MARCHF1: variants seen among roughly 807,000 people sequenced by gnomAD.
MARCHF1 encodes the protein membrane associated ring-CH-type finger 1, also known as E3 ubiquitin-protein ligase MARCHF1.
In MARCHF1, 40 loss-of-function variants were observed where a neutral mutation model predicts 54.2. The ratio of observed to expected loss-of-function variants is 0.74; its 90% CI spans 0.57 to 0.96. The LOEUF is 0.96. MARCHF1 is among the 40% of genes least tolerant of loss of function. MARCHF1 has a pLI of 0.00. For missense variants in MARCHF1, 586 were observed against 656.5 expected (o/e 0.89, Z 1.17); for synonymous variants, 236 against 236.3 (o/e 1.00, Z 0.01).
At chr4:164,264,989 G>A (rs1167138546) in intron 1 of MARCHF1, among the ~76,000 whole-genome samples, 2 of 150,282 alleles carry the variant, frequency 1.3e-5, no homozygotes, top group African/African-American at 2.4e-5. Flanking sequence ...TTAAATTGTA[G>A]AAGTATTCCT....
intron 2 of MARCHF1, among the ~76,000 whole-genome samples, chr4:164,091,454 A>AT (rs1755301087): frequency 6.8e-6 from 1 of 147,114 alleles, no homozygotes; most frequent in Non-Finnish European, 1.5e-5. Context: ...GCACGCAGTT[A>AT]ATATGTACAA....
chr4:163,583,442 A>G (rs945462559), intron 8 of MARCHF1, among the ~76,000 whole-genome samples: 3 of 152,212 alleles, frequency 2.0e-5, no homozygotes, highest in African/African-American at 7.2e-5. Context: ...TATAAGTGCT[A>G]TTAAAAATAA....
chr4:163,923,816 A>G (rs968878154), intron 3 of MARCHF1, among the ~76,000 whole-genome samples: 5 of 151,840 alleles, frequency 3.3e-5, no homozygotes, highest in African/African-American at 1.2e-4. Flanking sequence ...AATCACCCGC[A>G]TCTTACAATG....
At chr4:164,171,908 C>A (rs975190372) in intron 1 of MARCHF1, among the ~76,000 whole-genome samples, 6 of 152,258 alleles carry the variant, frequency 3.9e-5, no homozygotes, top group African/African-American at 1.4e-4. Flanking sequence ...TTAAGAATGA[C>A]ATTTTGATTT....
chr4:164,355,644 C>T (rs947357495), intron 1 of MARCHF1, among the ~76,000 whole-genome samples: 1 of 85,466 alleles, frequency 1.2e-5, no homozygotes, highest in Non-Finnish European at 2.6e-5. Flanking sequence ...AAACGTTAGA[C>T]CTAAAACCAT....
intron 4 of MARCHF1, among the ~76,000 whole-genome samples, chr4:163,769,524 T>C (rs1747092660): frequency 1.3e-5 from 2 of 152,138 alleles, no homozygotes; most frequent in Non-Finnish European, 2.9e-5. Context: ...AGGTGCCACA[T>C]AGCTAGAATC....
intron 2 of MARCHF1, among the ~76,000 whole-genome samples, chr4:164,054,063 C>A (rs1183293309): frequency 3.3e-5 from 5 of 151,488 alleles, no homozygotes; most frequent in Admixed American, 6.6e-5. Context: ...ACAATGAACT[C>A]AAACAAATTT....
rs1039662776 is a variant in MARCHF1 at position 164,023,272 on chromosome 4, A to T, written c.-247-34563T>A. ...ACAAAAGAAATATGACTGTGTCACC[A>T]GTGACTGAAGGGGGCTCCTCCAAGG... On this transcript the variant is annotated intron_variant, in intron 2 of 9. Transcript: ENST00000514618. Among the ~76,000 whole-genome samples, 3 of 152,298 alleles carry T rather than the reference A, an allele frequency of 2.0e-5. No individual in the cohort carries two copies. In the East Asian group the frequency reaches 5.8e-4, roughly 29 times the overall value.
At chr4:163,620,318 T>C (rs1475543452) in intron 5 of MARCHF1, among the ~76,000 whole-genome samples, 1 of 152,152 alleles carries the variant, frequency 6.6e-6, no homozygotes, top group Non-Finnish European at 1.5e-5. Flanking sequence ...GAAGTAACTG[T>C]AAATTGGTAC....
intron 2 of MARCHF1, among the ~76,000 whole-genome samples, chr4:163,992,193 A>G (rs1156943289): frequency 1.3e-5 from 2 of 152,150 alleles, no homozygotes; most frequent in African/African-American, 4.8e-5. Context: ...TTAAATGGAT[A>G]GACTGAAAAT....
chr4:164,245,597 C>T (rs529162165), intron 1 of MARCHF1, among the ~76,000 whole-genome samples: 1,890 of 151,758 alleles, frequency 0.012, 40 homozygotes, highest in African/African-American at 0.042. Flanking sequence ...AAGTTCTGGC[C>T]AGGGCAATCA....
intron 4 of MARCHF1, among the ~76,000 whole-genome samples, chr4:163,736,684 T>C (rs1746043670): frequency 1.3e-5 from 2 of 152,082 alleles, no homozygotes; most frequent in Admixed American, 6.6e-5. Flanking sequence ...AGTCCTAAGA[T>C]AAAGCAACTT....
At chr4:164,242,052 G>A (rs1022605325) in intron 1 of MARCHF1, among the ~76,000 whole-genome samples, 15 of 152,348 alleles carry the variant, frequency 9.8e-5, no homozygotes, top group African/African-American at 3.6e-4. Flanking sequence ...GGCAGGGGGA[G>A]GGGCGCCCGC....
intron 2 of MARCHF1, among the ~76,000 whole-genome samples, chr4:164,059,083 T>C (rs573178237): frequency 4.6e-5 from 7 of 152,326 alleles, no homozygotes; most frequent in East Asian, 3.9e-4. Context: ...CATGCACATA[T>C]GAGCTGGTTG....
At chr4:164,122,873 C>T (rs540753815) in intron 1 of MARCHF1, among the ~76,000 whole-genome samples, 5 of 152,110 alleles carry the variant, frequency 3.3e-5, no homozygotes, top group South Asian at 2.1e-4. Flanking sequence ...ATCTGGAACA[C>T]GACAAGGATG....
intron 1 of MARCHF1, among the ~76,000 whole-genome samples, chr4:164,306,410 G>C (rs982259309): frequency 6.6e-6 from 1 of 151,988 alleles, no homozygotes; most frequent in African/African-American, 2.4e-5. Context: ...ACAAGTCAAG[G>C]CTTGTTTTGT....
intron 5 of MARCHF1, among the ~76,000 whole-genome samples, chr4:163,671,186 C>T (rs1743724029): frequency 6.6e-6 from 1 of 152,190 alleles, no homozygotes; most frequent in Admixed American, 6.5e-5. Flanking sequence ...ACAACACTAT[C>T]ACTATTTATT....
intron 2 of MARCHF1, among the ~76,000 whole-genome samples, chr4:164,070,674 A>T (rs1278871520): frequency 2.0e-5 from 3 of 152,184 alleles, no homozygotes; most frequent in Non-Finnish European, 4.4e-5. Flanking sequence ...AGGATTTTTA[A>T]GGGGTATGAA....
intron 1 of MARCHF1, among the ~76,000 whole-genome samples, chr4:164,257,203 G>A (rs868278564): frequency 3.9e-5 from 6 of 152,208 alleles, no homozygotes; most frequent in African/African-American, 1.2e-4. Context: ...AAAATGTGAT[G>A]CAGAAGCTAA....
Sources: gnomAD v4.1 joint callset for allele counts (sites outside exome capture counted in the v4.1 genomes callset) on GRCh38, gnomAD v4.1.1 for gene constraint, MANE v1.5 for transcripts, NCBI Gene and HGNC (gene_info 2026-07-23, HGNC 2026-07-21) for gene names.